Variants in FNTB observed in about 807,000 individuals in gnomAD.
FNTB encodes farnesyltransferase, CAAX box, subunit beta.
A neutral mutation model predicts 59.4 loss-of-function variants in FNTB; 27 were observed. That is an observed-to-expected ratio of 0.45 (90% CI 0.34 to 0.63). The LOEUF is 0.63. Ranked by LOEUF, FNTB falls within the 20% of genes least tolerant of loss-of-function variation. The pLI is 0.02. For missense variants in FNTB, 449 were observed against 559.6 expected, an observed-to-expected ratio of 0.80 and a Z score of 1.99; for synonymous variants, 230 against 220.7, an observed-to-expected ratio of 1.04 and a Z score of -0.37.
At chr14:65,026,551 G>A (rs560908604) in intron 4 of FNTB, among the ~76,000 whole-genome samples, 33 of 152,310 alleles carry the variant, frequency 2.2e-4, no homozygotes, top group Non-Finnish European at 1.5e-5. Context: ...AGCCATGGAA[G>A]CAGGCTCCAT....
At position 65,054,171 on chromosome 14, in the gene FNTB, G is replaced by A. The variant is rs1481544244; in HGVS notation, c.1068-404G>A. ...TCTGTCACCCAGGCTGGAGTGCAGT[G>A]TCACAATCATGACTCACTGCAGCCT... On this transcript the variant is annotated intron_variant, in intron 10 of 11. Transcript: ENST00000246166. The surrounding 1 kb of genome is among the most constrained non-coding windows in gnomAD (Gnocchi z 4.4). 2.6e-5 allele frequency among the ~76,000 whole-genome samples: 4 copies of A among 152,206 alleles called. No individual in the cohort carries two copies. The highest frequency in any genetic ancestry group is 7.2e-5 in the African/African-American group (3 of 41,530).
In FNTB at chr14:65,023,445, C is replaced by G. The variant is rs757382614; in HGVS notation, c.375-4008C>G. ...GGCTGAGAGGCAATCGCTGATATCC[C>G]TGCTTTGAACTTGACCCTCTTACAA... On this transcript the variant is annotated intron_variant, in intron 4 of 11. Transcript: ENST00000246166. This position sits in a 1 kb window ranked among gnomAD's most constrained non-coding sequence, Gnocchi z 4.1. Among the ~76,000 whole-genome samples the G allele has an allele frequency of 6.6e-6, 1 of 152,168 alleles. No homozygotes were observed. The highest frequency in any genetic ancestry group is 1.5e-5 in the Non-Finnish European group (1 of 68,034).
At chr14:65,059,018 TTTTC>T (rs1475878335) in intron 11 of FNTB, among the ~76,000 whole-genome samples, 2 of 152,104 alleles carry the variant, frequency 1.3e-5, no homozygotes, top group African/African-American at 4.8e-5. Context: ...CTCTTACCTT[TTTTC>T]TTTTTCTTTT....
intron 9 of FNTB, among the ~76,000 whole-genome samples, chr14:65,048,241 A>G (rs529431835): frequency 2.6e-5 from 4 of 151,834 alleles, no homozygotes; most frequent in African/African-American, 9.7e-5. Flanking sequence ...CCTTGGCCAC[A>G]CAAAGTGCTG....
At chr14:65,060,600 G>C (rs2062840752) in intron 11 of FNTB, among the ~76,000 whole-genome samples, 1 of 113,322 alleles carries the variant, frequency 8.8e-6, no homozygotes, top group Non-Finnish European at 1.6e-5. Flanking sequence ...GGAGGCTGAG[G>C]CAGGAGAATG....
chr14:65,025,198 G>T (rs1044452730), intron 4 of FNTB, among the ~76,000 whole-genome samples: 1 of 152,172 alleles, frequency 6.6e-6, no homozygotes, highest in Non-Finnish European at 1.5e-5. Flanking sequence ...TGGTATCAAG[G>T]TGTGTCTGGT....
At chr14:65,026,091 G>T (rs1457517444) in intron 4 of FNTB, among the ~76,000 whole-genome samples, 1 of 152,228 alleles carries the variant, frequency 6.6e-6, no homozygotes, top group Admixed American at 6.5e-5. Context: ...CTTTCTGGCA[G>T]CAGTAGCAAG....
In FNTB at chr14:65,024,717, A is replaced by C. The variant is rs917181364; in HGVS notation, c.375-2736A>C. ...TGTTTGTACAATGTTTTTTGCTTGT[A>C]ATTTTTTATTTATTGGTGAACTTCT... On this transcript the variant is annotated intron_variant, in intron 4 of 11. Transcript: ENST00000246166. Among the ~76,000 whole-genome samples, 5 of 152,226 alleles carry C rather than the reference A, an allele frequency of 3.3e-5. No homozygotes were observed. The South Asian group carries it at 1.0e-3, about 32-fold the overall frequency.
chr14:65,019,367 A>G (rs1282362727), intron 4 of FNTB, among the ~76,000 whole-genome samples: 1 of 149,768 alleles, frequency 6.7e-6, no homozygotes, highest in Admixed American at 6.7e-5. Context: ...GGCACCTGTA[A>G]TCCCAGCTAC....
In FNTB at chr14:65,012,902, T is replaced by G. The variant is rs1247582570; in HGVS notation, c.282+513T>G. Among the ~76,000 whole-genome samples the G allele has an allele frequency of 6.6e-6, 1 of 152,204 alleles. No homozygotes were observed. Among genetic ancestry groups the G allele is most frequent in the Non-Finnish European group, 1.5e-5 (1 of 68,036 alleles). ...TTGTAATAAGATCTAATTTCTATAC[T>G]GACTAGAGGACCAGTATAGAGAGTG... On this transcript the variant is annotated intron_variant, in intron 3 of 11. Transcript: ENST00000246166. The surrounding 1 kb of genome is among the most constrained non-coding windows in gnomAD (Gnocchi z 5.0).
At position 65,032,795 on chromosome 14, in the gene FNTB, T is replaced by TA. The variant is rs1244786584; in HGVS notation, c.692+100dup. The TA allele has an allele frequency of 3.0e-5, 35 of 1,168,986 alleles. No homozygotes were observed. The highest frequency in any genetic ancestry group is 4.0e-5 in the Non-Finnish European group (34 of 847,340). 72.4% of individuals were successfully genotyped at this position (1,168,986 alleles called of 1,614,324 possible). A position where few individuals can be genotyped will look rare whatever the true frequency, so the allele number is the denominator to read the frequency against. Reference sequence around the variant, plus strand: ...AAATGCAGAGGGACTTGGAAGGAAATACAAAAATCACAGGAGATCCATTAG... The same window carrying TA: ...AAATGCAGAGGGACTTGGAAGGAAATAACAAAAATCACAGGAGATCCATTAG... On this transcript the variant is annotated intron_variant, in intron 7 of 11. Transcript: ENST00000246166. The surrounding 1 kb of genome is among the most constrained non-coding windows in gnomAD (Gnocchi z 5.0).
intron 1 of FNTB, among the ~76,000 whole-genome samples, chr14:64,995,193 TC>T (rs543947926): frequency 2.1e-4 from 32 of 152,300 alleles, no homozygotes; most frequent in Middle Eastern, 3.4e-3. Context: ...TGGAAGGCCT[TC>T]GGGGACAGTG....
intron 9 of FNTB, among the ~76,000 whole-genome samples, chr14:65,045,870 C>G (rs931669914): frequency 1.3e-5 from 2 of 152,350 alleles, no homozygotes; most frequent in African/African-American, 4.8e-5. Context: ...AAGGCACTTA[C>G]CCTTGGAACA....
At position 65,061,196 on chromosome 14, in the gene FNTB, G is replaced by T. The variant is rs1204171763; in HGVS notation, c.1198G>T (p.Val400Leu). 1.5e-5 allele frequency: 24 copies of T among 1,614,126 alleles called. No homozygotes were observed. The highest frequency in any genetic ancestry group is 2.0e-5 in the Non-Finnish European group (24 of 1,180,008). ...CTCTTTGCAGCAGCCCACTCACCCA[G>T]TGTACAACATTGGACCAGACAAGGT... ...PENALQPTHP[V>L]YNIGPDKVIQ... Residue 400 changes from valine (V) to leucine (L), a missense_variant, in exon 12 of 12, where the codon GTG becomes TTG. Transcript: ENST00000246166.
At chr14:64,987,324 A>T in intron 1 of FNTB, 2 of 591,260 alleles carry the variant, frequency 3.4e-6, no homozygotes, top group South Asian at 4.0e-5. Flanking sequence ...CTTGGAGGAG[A>T]GGGCAGTAGC....
chr14:65,023,836 C>A lies in FNTB; in HGVS notation c.375-3617C>A, dbSNP rs1382261131. 6.6e-6 allele frequency among the ~76,000 whole-genome samples: 1 copy of A among 152,176 alleles called. No individual in the cohort carries two copies. The highest frequency in any genetic ancestry group is 2.4e-5 in the African/African-American group (1 of 41,438). On this transcript the variant is annotated intron_variant, in intron 4 of 11. Coordinates refer to ENST00000246166, the MANE Select transcript of FNTB (RefSeq NM_002028.4). This position sits in a 1 kb window ranked among gnomAD's most constrained non-coding sequence, Gnocchi z 4.1. The stretch of plus-strand genomic sequence containing the variant: ...GGACTCTCAGCCGGGCATGGTGGCT[C>A]ACGCCTGTAATCCTAGCACTTTGGG...
chr14:65,046,549 G>C (rs1267398448), intron 9 of FNTB, among the ~76,000 whole-genome samples: 1 of 152,160 alleles, frequency 6.6e-6, no homozygotes, highest in Non-Finnish European at 1.5e-5. Context: ...TATGGAAAAG[G>C]GTGCCTATGA....
chr14:64,993,341 A>G (rs187111966), intron 1 of FNTB, among the ~76,000 whole-genome samples: 1 of 152,238 alleles, frequency 6.6e-6, no homozygotes, highest in South Asian at 2.1e-4. Context: ...GTGAGTTTAT[A>G]TCTCCAGGGA....
In FNTB at chr14:65,032,517, A is replaced by G; in HGVS notation, c.606-93A>G. The G allele has an allele frequency of 7.2e-7, 1 of 1,397,210 alleles. No individual in the cohort carries two copies. Among genetic ancestry groups the G allele is most frequent in the East Asian group, 2.5e-5 (1 of 40,238 alleles). 86.6% of individuals were successfully genotyped at this position (1,397,210 alleles called of 1,614,324 possible). On this transcript the variant is annotated intron_variant, in intron 6 of 11. Transcript: ENST00000246166. This position sits in a 1 kb window ranked among gnomAD's most constrained non-coding sequence, Gnocchi z 5.0. ...TGAGGACAGGAGGTGATTACAGCTT[A>G]CTAGGCAAGGCGAGCAGTCCGCCCG...
Sources: allele counts gnomAD v4.1 joint callset (sites outside exome capture counted in the v4.1 genomes callset), GRCh38; gene constraint gnomAD v4.1.1; non-coding constraint Gnocchi (gnomAD v3.1); transcripts MANE v1.5; gene names NCBI Gene and HGNC (gene_info 2026-07-23, HGNC 2026-07-21).